The following DOCK3 variants were observed in gnomAD, a reference collection of about 807,000 sequenced individuals.
DOCK3 encodes dedicator of cytokinesis protein 3.
Under a neutral mutation model 265.6 loss-of-function variants are expected in DOCK3, and 60 were observed. The observed-to-expected ratio is 0.23, with a 90% CI of 0.18 to 0.28. DOCK3 has a LOEUF of 0.28. Among genes scored for constraint, DOCK3 ranks in the 10% least tolerant of loss-of-function variants. The probability of loss-of-function intolerance (pLI) is 1.00; values close to 1 mark genes in which losing one functional copy is unlikely to be tolerated. For missense variants in DOCK3, 1,981 were observed against 2,594.3 expected, an observed-to-expected ratio of 0.76 and a Z score of 5.14; for synonymous variants, 881 against 938.0, an observed-to-expected ratio of 0.94 and a Z score of 1.11.
intron 51 of DOCK3, among the ~76,000 whole-genome samples, chr3:51,376,503 A>G (rs747300929): frequency 6.6e-6 from 1 of 152,106 alleles, no homozygotes; most frequent in Non-Finnish European, 1.5e-5. Flanking sequence ...GAAGAAGCAG[A>G]CTCAGACCTC....
rs375074113 is a variant in DOCK3 at position 50,770,566 on chromosome 3, A to G, written c.38-8109A>G. 1.5e-3 allele frequency among the ~76,000 whole-genome samples: 222 copies of G among 152,264 alleles called. 2 individuals carry two copies. Among genetic ancestry groups the G allele is most frequent in the East Asian group, 7.9e-3 (41 of 5,180 alleles). ...CACTGCCCATCAAAACAGTGATGAC[A>G]TTCTTCACAAAAATAGAAAAAAAAA... On this transcript the variant is annotated intron_variant, in intron 1 of 52. Coordinates refer to ENST00000266037, the MANE Select transcript of DOCK3 (RefSeq NM_004947.5).
intron 36 of DOCK3, 111 bp downstream of exon 36, chr3:51,338,530 A>G (rs2085017040): frequency 1.7e-6 from 2 of 1,175,202 alleles, no homozygotes; most frequent in South Asian, 1.4e-5. Flanking sequence ...AAGGGTTTGA[A>G]TCAGGACATC....
At position 51,354,984 on chromosome 3, in the gene DOCK3, A is replaced by G; in HGVS notation, c.4210A>G (p.Asn1404Asp). The G allele has an allele frequency of 6.2e-7, 1 of 1,613,882 alleles. No homozygotes were observed. The stretch of plus-strand genomic sequence containing the variant: ...GCAGGCTGTCGCCATGCAGCACCCC[A>G]ACCATCCTGATGACGCCATCCTACA... ...FPQAVAMQHP[N>D]HPDDAILQCD... The change falls in exon 41 of 53, where the codon AAC becomes GAC. Residue 1404 changes from asparagine to aspartate, a missense_variant. Physicochemically the swap from Asn to Asp is conservative, Grantham distance 23. Around this residue, in one of 4 missense-constraint regions of DOCK3, gnomAD observed 1,357 missense variants for 1,866.8 expected, o/e 0.73. Transcript: ENST00000266037.
At chr3:51,087,733 C>T (rs1460549557) in intron 7 of DOCK3, among the ~76,000 whole-genome samples, 6 of 151,970 alleles carry the variant, frequency 3.9e-5, no homozygotes, top group African/African-American at 1.2e-4. Context: ...ATAGAAAAAC[C>T]TAAAGACTAC....
At chr3:51,278,656 C>A in intron 26 of DOCK3, 1 of 696,342 alleles carries the variant, frequency 1.4e-6, no homozygotes, top group Non-Finnish European at 1.8e-6. Flanking sequence ...TTCCTGGTAA[C>A]CCAGCCTTCT....
intron 1 of DOCK3, among the ~76,000 whole-genome samples, chr3:50,761,880 G>A (rs1298047129): frequency 1.3e-5 from 2 of 152,178 alleles, no homozygotes; most frequent in Admixed American, 6.5e-5. Context: ...TGATAGACTG[G>A]ATTAAGAAAA....
At chr3:50,785,338 G>A (rs1470122498) in intron 2 of DOCK3, among the ~76,000 whole-genome samples, 1 of 152,104 alleles carries the variant, frequency 6.6e-6, no homozygotes, top group African/African-American at 2.4e-5. Context: ...GCTGTGGCTA[G>A]GACTTCCAGT....
chr3:50,975,439 A>G (rs1255824211), intron 5 of DOCK3, among the ~76,000 whole-genome samples: 1 of 150,168 alleles, frequency 6.7e-6, no homozygotes, highest in Non-Finnish European at 1.5e-5. Flanking sequence ...ATGCTGGATT[A>G]CATTTATTGA....
rs772180743 is a variant in DOCK3 at position 51,191,602 on chromosome 3, A to G, written c.1038-17172A>G. ...CTCACACTCTGAGGATTTGGTGTCA[A>G]TTATACCTGCCTCATGATATAATTT... On this transcript the variant is annotated intron_variant, in intron 12 of 52. Coordinates refer to ENST00000266037, the MANE Select transcript of DOCK3 (RefSeq NM_004947.5). Among the ~76,000 whole-genome samples the G allele has an allele frequency of 2.6e-5, 4 of 152,202 alleles. No individual in the cohort carries two copies. The East Asian group carries it at 5.8e-4, about 22-fold the overall frequency.
In DOCK3 at chr3:50,787,035, ATTTCT is replaced by A. The variant is rs2042220113; in HGVS notation, c.121+8284_121+8288del. 6 of 739,922 alleles carry A rather than the reference ATTTCT, an allele frequency of 8.1e-6. 1 individual carries two copies. Among genetic ancestry groups the A allele is most frequent in the South Asian group, 5.4e-5 (4 of 74,128 alleles). The allele number at this position is 739,922 out of a possible 1,614,324, so 45.8% of individuals were successfully genotyped here. A position where few individuals can be genotyped will look rare whatever the true frequency, so the allele number is the denominator to read the frequency against. On this transcript the variant is annotated intron_variant, in intron 2 of 52. Transcript: ENST00000266037. ...TTTTTCTCACAAATTTCACAGGAAA[ATTTCT>A]TTTCTTCATATCCATGGACGATCTT... is the stretch of plus-strand genomic sequence containing the variant.
intron 5 of DOCK3, among the ~76,000 whole-genome samples, chr3:50,967,648 G>T (rs1381456325): frequency 3.3e-5 from 5 of 152,150 alleles, no homozygotes. Flanking sequence ...TGGTGTCAGG[G>T]GAAGCAAATA....
At chr3:50,790,171 T>G (rs71329007) in intron 2 of DOCK3, among the ~76,000 whole-genome samples, 14,379 of 152,288 alleles carry the variant, frequency 0.094, 842 homozygotes, top group Non-Finnish European at 0.12. Flanking sequence ...TTTTTCCACC[T>G]TTTTACCTTA....
At chr3:51,157,619 G>T (rs1049977502) in intron 10 of DOCK3, among the ~76,000 whole-genome samples, 1 of 152,042 alleles carries the variant, frequency 6.6e-6, no homozygotes, top group African/African-American at 2.4e-5. Flanking sequence ...CTGGGACTAG[G>T]CTAAGGCAAA....
intron 2 of DOCK3, among the ~76,000 whole-genome samples, chr3:50,825,041 A>G (rs2044679196): frequency 6.6e-6 from 1 of 152,226 alleles, no homozygotes; most frequent in Non-Finnish European, 1.5e-5. Flanking sequence ...TGGGCAGATT[A>G]TATAATTATT....
Position 51,163,848 on chromosome 3 carries a change from ATAT to A in DOCK3, c.1037+3150_1037+3152del, listed in dbSNP as rs1254270907. Among the ~76,000 whole-genome samples, 8 of 152,236 alleles carry A rather than the reference ATAT, an allele frequency of 5.3e-5. 2 individuals are homozygous for A. The highest frequency in any genetic ancestry group is 3.4e-3 in the Middle Eastern group (1 of 292). On this transcript the variant is annotated intron_variant, in intron 12 of 52. Transcript: ENST00000266037. ...TATTACAAATTATGTACTCAATCACATATTATGTAAAATTGAGATATATTGCTC... is the reference window on the plus strand; with the variant it reads ...TATTACAAATTATGTACTCAATCACATATGTAAAATTGAGATATATTGCTC...
At chr3:51,053,742 A>T (rs1000426285) in intron 5 of DOCK3, among the ~76,000 whole-genome samples, 12 of 152,178 alleles carry the variant, frequency 7.9e-5, no homozygotes, top group African/African-American at 2.9e-4. Flanking sequence ...TTTTGAACCA[A>T]TGTTTAGTTG....
intron 8 of DOCK3, 92 bp downstream of exon 8, chr3:51,089,376 C>A: frequency 6.9e-7 from 1 of 1,441,226 alleles, no homozygotes; most frequent in African/African-American, 1.4e-5. Flanking sequence ...ATGACAGACA[C>A]CACTGACTTC....
rs193117746 is a variant in DOCK3 at position 51,337,454 on chromosome 3, A to T, written c.3612-905A>T. Among the ~76,000 whole-genome samples, 32 of 152,180 alleles carry T rather than the reference A, an allele frequency of 2.1e-4. No homozygotes were observed. The East Asian group carries it at 5.4e-3, about 26-fold the overall frequency. On this transcript the variant is annotated intron_variant, in intron 35 of 52. Coordinates refer to ENST00000266037, the MANE Select transcript of DOCK3 (RefSeq NM_004947.5). The stretch of plus-strand genomic sequence containing the variant: ...AGACACTCTCCAACCTGACCCTAGA[A>T]ATCTGTATAAACCCCTTTCTGCAGC...
At chr3:51,328,248 TC>T (rs2084281289) in intron 32 of DOCK3, among the ~76,000 whole-genome samples, 1 of 152,106 alleles carries the variant, frequency 6.6e-6, no homozygotes, top group Admixed American at 6.6e-5. Flanking sequence ...CTGCTCCAGG[TC>T]CCCTCCCCAC....
Sources: gnomAD v4.1 joint callset for allele counts (sites outside exome capture counted in the v4.1 genomes callset) on GRCh38, gnomAD v4.1.1 for gene constraint, gnomAD v4.1.1 regional missense constraint, MANE v1.5 for transcripts, NCBI Gene and HGNC (gene_info 2026-07-23, HGNC 2026-07-21) for gene names.